Variants in HNRNPL observed in about 807,000 individuals in gnomAD.
HNRNPL encodes the protein epididymis secretory sperm binding protein.
Under a neutral mutation model 64.0 loss-of-function variants are expected in HNRNPL, and 12 were observed. That is an observed-to-expected ratio of 0.19 (90% CI 0.12 to 0.30). The LOEUF (loss-of-function observed/expected upper bound fraction) is 0.30. Among genes scored for constraint, HNRNPL ranks in the 10% least tolerant of loss-of-function variants. The pLI, the probability that HNRNPL is intolerant of heterozygous loss-of-function variation, is 1.00. For synonymous variants in HNRNPL, 385 were observed against 313.0 expected (o/e 1.23, Z -2.43); for missense variants, 484 against 797.4 (o/e 0.61, Z 4.73).
At chr19:38,845,471 A>G in intron 4 of HNRNPL, 179 bp downstream of exon 4, 1 of 615,488 alleles carries the variant, frequency 1.6e-6, no homozygotes, top group Non-Finnish European at 2.9e-6. Context: ...CTGCACGTCC[A>G]CACGATATGC....
chr19:38,848,977 G>A (rs1972400308), intron 1 of HNRNPL, among the ~76,000 whole-genome samples: 1 of 152,130 alleles, frequency 6.6e-6, no homozygotes, highest in African/African-American at 2.4e-5. Flanking sequence ...GCAACGACTG[G>A]TGTTTTCGGA....
rs994272963 is a variant in HNRNPL at position 38,841,673 on chromosome 19, C to T, written c.881-1114G>A. Reference sequence around the variant, plus strand: ...GAAAGATGGCGTCCCATCAAACATACACTGCGACCCTGCATCACATGGTTT... The same window carrying T: ...GAAAGATGGCGTCCCATCAAACATATACTGCGACCCTGCATCACATGGTTT... On this transcript the variant is annotated intron_variant, in intron 6 of 12. Transcript: ENST00000221419. 6 of 1,277,102 alleles carry T rather than the reference C, an allele frequency of 4.7e-6. No individual in the cohort carries two copies. The African/African-American group carries it at 7.6e-5, about 16-fold the overall frequency. The allele number at this position is 1,277,102 out of a possible 1,614,324, so 79.1% of individuals were successfully genotyped here.
chr19:38,839,697 A>T (rs963079971), intron 8 of HNRNPL: 1 of 207,194 alleles, frequency 4.8e-6, no homozygotes, highest in Non-Finnish European at 9.9e-6. Context: ...TCTCAGGTAG[A>T]CACTCAGCCA....
At chr19:38,837,248 G>A (rs1480702072) in intron 12 of HNRNPL, 136 bp downstream of exon 12, 27 of 692,102 alleles carry the variant, frequency 3.9e-5, no homozygotes, top group South Asian at 3.8e-4. Context: ...TGATGAGCAG[G>A]TCCCACCTGC....
chr19:38,841,206 AC>A (rs1333875348), intron 6 of HNRNPL: 1 of 265,332 alleles, frequency 3.8e-6, no homozygotes, highest in African/African-American at 2.3e-5. Context: ...ATCCACCCCG[AC>A]CCCAGCAGTT....
chr19:38,846,675 G>A (rs529112544), intron 2 of HNRNPL, among the ~76,000 whole-genome samples: 8 of 152,250 alleles, frequency 5.3e-5, no homozygotes, highest in African/African-American at 1.7e-4. Flanking sequence ...TTGGGAGGCC[G>A]AGGCGGGCAG....
chr19:38,846,405 A>T (rs1417057210), intron 2 of HNRNPL, among the ~76,000 whole-genome samples: 2 of 152,228 alleles, frequency 1.3e-5, no homozygotes, highest in African/African-American at 4.8e-5. Context: ...TAAGAGAAGC[A>T]TCCAGATACA....
At chr19:38,837,060 G>C in intron 12 of HNRNPL, 1 of 545,132 alleles carries the variant, frequency 1.8e-6, no homozygotes, top group Non-Finnish European at 3.3e-6. Flanking sequence ...TTTACCTGCT[G>C]GATAGTGTTG....
At chr19:38,836,803 G>T (rs752296749) in intron 12 of HNRNPL, 23 bp from the exon 13 acceptor site, 1 of 1,594,836 alleles carries the variant, frequency 6.3e-7, no homozygotes. Flanking sequence ...GACAAGTTTG[G>T]TTGGTTCCCG....
chr19:38,842,032 G>A (rs1171963395), intron 6 of HNRNPL: 5 of 194,746 alleles, frequency 2.6e-5, no homozygotes, highest in African/African-American at 9.5e-5. Flanking sequence ...GTAACTGTGT[G>A]CCTCTGAGCT....
At chr19:38,837,061 G>C (rs1407999254) in intron 12 of HNRNPL, 8 of 545,268 alleles carry the variant, frequency 1.5e-5, no homozygotes, top group Non-Finnish European at 2.6e-5. Context: ...TTACCTGCTG[G>C]ATAGTGTTGC....
chr19:38,841,219 G>C, intron 6 of HNRNPL: 1 of 271,158 alleles, frequency 3.7e-6, no homozygotes, highest in Non-Finnish European at 7.3e-6. Context: ...CCAGCAGTTC[G>C]TAATCACTGC....
intron 8 of HNRNPL, 77 bp downstream of exon 8, chr19:38,840,019 C>A: frequency 7.2e-7 from 1 of 1,397,624 alleles, no homozygotes; most frequent in Admixed American, 1.7e-5. Flanking sequence ...CACCAGGCTC[C>A]CCCCTGGTTC....
chr19:38,849,592 T>C (rs1317235948), intron 1 of HNRNPL, 108 bp downstream of exon 1: 9 of 1,259,356 alleles, frequency 7.1e-6, no homozygotes, highest in African/African-American at 3.1e-5. Flanking sequence ...AACGACGCGA[T>C]GGCCTGGGCG....
chr19:38,845,116 C>T (rs1051434997), intron 4 of HNRNPL: 1 of 152,490 alleles, frequency 6.6e-6, no homozygotes, highest in Non-Finnish European at 1.5e-5. Context: ...TTAGAATAAA[C>T]ATCTTTAAAA....
intron 1 of HNRNPL, among the ~76,000 whole-genome samples, chr19:38,848,326 C>G (rs962759771): frequency 1.3e-5 from 2 of 152,196 alleles, no homozygotes; most frequent in African/African-American, 2.4e-5. Context: ...CTCCTGACCT[C>G]AGGTAATCTG....
At chr19:38,850,199 CCCGCCG>C (rs755504951), upstream of HNRNPL, 5 of 403,942 alleles carry the variant, frequency 1.2e-5, no homozygotes, top group Middle Eastern at 6.1e-4. Flanking sequence ...TTCCGTCGAC[CCCGCCG>C]CCTTAAAATA....
At chr19:38,837,004 G>A (rs571212107) in intron 12 of HNRNPL, 142 of 539,970 alleles carry the variant, frequency 2.6e-4, no homozygotes, top group South Asian at 2.0e-3. Flanking sequence ...TATCTCCTTC[G>A]CCAGCCCAAG....
At chr19:38,845,517 GC>G (rs1972263915) in intron 4 of HNRNPL, 132 bp downstream of exon 4, 3 of 718,666 alleles carry the variant, frequency 4.2e-6, no homozygotes, top group Non-Finnish European at 7.5e-6. Flanking sequence ...CAGTCACTGG[GC>G]TCTGTGAAGG....
Sources: allele counts gnomAD v4.1 joint callset (sites outside exome capture counted in the v4.1 genomes callset), GRCh38; gene constraint gnomAD v4.1.1; transcripts MANE v1.5; gene names NCBI Gene and HGNC (gene_info 2026-07-23, HGNC 2026-07-21).